Variants in CCDC148 observed in about 807,000 individuals in gnomAD.
CCDC148 encodes the protein coiled-coil domain containing 148, also known as coiled-coil domain-containing protein 148.
Under a neutral mutation model 85.7 loss-of-function variants are expected in CCDC148, and 89 were observed. The observed-to-expected ratio is 1.04, with a 90% CI of 0.87 to 1.24. The LOEUF (loss-of-function observed/expected upper bound fraction) is 1.24, where lower values mean the gene tolerates loss of function less well. CCDC148 is among the 50% of genes most tolerant of loss of function. The pLI is 0.00. For synonymous variants in CCDC148, 230 were observed against 213.9 expected (o/e 1.08, Z -0.66); for missense variants, 692 against 671.7 (o/e 1.03, Z -0.33).
chr2:158,310,963 G>A (rs74741886), intron 8 of CCDC148, among the ~76,000 whole-genome samples: 11 of 149,452 alleles, frequency 7.4e-5, no homozygotes, highest in African/African-American at 1.5e-4. Flanking sequence ...TGTGGCGGCC[G>A]GGAAGAGGCG....
chr2:158,200,349 TTCC>T (rs1245288826), intron 11 of CCDC148, among the ~76,000 whole-genome samples: 1 of 152,198 alleles, frequency 6.6e-6, no homozygotes, highest in Non-Finnish European at 1.5e-5. Flanking sequence ...TTTACTTTGG[TTCC>T]TCTTTCCCCT....
chr2:158,415,172 T>C, intron 1 of CCDC148, among the ~76,000 whole-genome samples: 1 of 151,352 alleles, frequency 6.6e-6, no homozygotes, highest in East Asian at 1.9e-4. Context: ...CTCATGGTTT[T>C]ACAGGCTGTA....
intron 9 of CCDC148, among the ~76,000 whole-genome samples, chr2:158,283,960 G>A (rs1260520302): frequency 1.3e-5 from 2 of 151,280 alleles, no homozygotes; most frequent in African/African-American, 4.9e-5. Flanking sequence ...AAAATGATGA[G>A]TTCATGTCCT....
intron 1 of CCDC148, among the ~76,000 whole-genome samples, chr2:158,444,857 G>T (rs1259296182): frequency 1.3e-5 from 2 of 150,268 alleles, no homozygotes; most frequent in African/African-American, 4.9e-5. Context: ...CTATCTATGG[G>T]ATTAGAAATT....
chr2:158,276,756 C>A (rs765781972), intron 9 of CCDC148, among the ~76,000 whole-genome samples: 2 of 152,148 alleles, frequency 1.3e-5, no homozygotes, highest in Non-Finnish European at 2.9e-5. Context: ...GCATTTGATA[C>A]GGTCCTTTAT....
chr2:158,350,779 T>C (rs1663088813), intron 2 of CCDC148, among the ~76,000 whole-genome samples: 1 of 152,204 alleles, frequency 6.6e-6, no homozygotes, highest in African/African-American at 2.4e-5. Flanking sequence ...TAATTGTGCA[T>C]ATTTATGGGC....
rs150244717 is a variant in CCDC148 at position 158,202,270 on chromosome 2, G to A, written c.1370+18325C>T. On this transcript the variant is annotated intron_variant, in intron 11 of 13. Coordinates refer to ENST00000283233, the MANE Select transcript of CCDC148 (RefSeq NM_138803.4). ...TAACGTATGTATCTTGAGGAAAGAA[G>A]CTTATAAGTTTGCTCTGTTTTAGCA... Among the ~76,000 whole-genome samples the A allele has an allele frequency of 2.0e-5, 3 of 152,254 alleles. No individual in the cohort carries two copies. The East Asian group carries it at 5.8e-4, about 29-fold the overall frequency.
chr2:158,325,088 GAA>G (rs58238350), intron 7 of CCDC148, among the ~76,000 whole-genome samples: 29 of 143,124 alleles, frequency 2.0e-4, no homozygotes, highest in African/African-American at 4.3e-4. Flanking sequence ...TCTCCTATTT[GAA>G]AAAAAAAAAA....
intron 1 of CCDC148, among the ~76,000 whole-genome samples, chr2:158,418,682 C>T (rs1295812353): frequency 1.3e-5 from 2 of 150,326 alleles, no homozygotes; most frequent in Non-Finnish European, 3.0e-5. Flanking sequence ...AGAACACTCT[C>T]TTATATCATC....
At position 158,282,369 on chromosome 2, in the gene CCDC148, C is replaced by T. The variant is rs1341192369; in HGVS notation, c.1110+27064G>A. On this transcript the variant is annotated intron_variant, in intron 9 of 13. Coordinates refer to ENST00000283233, the MANE Select transcript of CCDC148 (RefSeq NM_138803.4). Reference sequence around the variant, plus strand: ...GTTTGCAGATGACATGATTGTATATCTAGAAAATCCCATTGTCTCAGACCA... The same window carrying T: ...GTTTGCAGATGACATGATTGTATATTTAGAAAATCCCATTGTCTCAGACCA... Among the ~76,000 whole-genome samples the T allele has an allele frequency of 2.0e-5, 3 of 152,134 alleles. No individual in the cohort carries two copies. In the East Asian group the frequency reaches 5.8e-4, roughly 29 times the overall value.
intron 1 of CCDC148, among the ~76,000 whole-genome samples, chr2:158,419,009 T>C (rs1386585472): frequency 1.3e-5 from 2 of 152,262 alleles, no homozygotes; most frequent in Non-Finnish European, 2.9e-5. Flanking sequence ...CATGCTGTAT[T>C]TCATAATTAG....
chr2:158,329,605 T>C (rs1323119445), intron 7 of CCDC148, among the ~76,000 whole-genome samples: 2 of 152,082 alleles, frequency 1.3e-5, no homozygotes, highest in Non-Finnish European at 2.9e-5. Flanking sequence ...TTGGGCAGTA[T>C]GGCCATTTTC....
chr2:158,324,957 G>A lies in CCDC148; in HGVS notation c.765-11063C>T, dbSNP rs578195308. ...CATCTGTGCTTATTCCTCCACTTGTGTACTAAATCCCAACTCTCCTTACAA... is the reference window on the plus strand; with the variant it reads ...CATCTGTGCTTATTCCTCCACTTGTATACTAAATCCCAACTCTCCTTACAA... On this transcript the variant is annotated intron_variant, in intron 7 of 13. Transcript: ENST00000283233. Among the ~76,000 whole-genome samples the A allele has an allele frequency of 6.3e-4, 96 of 151,742 alleles. 1 individual carries two copies. The highest frequency in any genetic ancestry group is 3.4e-3 in the Middle Eastern group (1 of 294).
At chr2:158,353,174 A>T (rs1238817561) in intron 2 of CCDC148, among the ~76,000 whole-genome samples, 1 of 132,646 alleles carries the variant, frequency 7.5e-6, no homozygotes, top group Admixed American at 7.6e-5. Context: ...TCAACTAACG[A>T]GCAAAATCAC....
chr2:158,188,710 A>C (rs1296169073), intron 11 of CCDC148, among the ~76,000 whole-genome samples: 1 of 151,856 alleles, frequency 6.6e-6, no homozygotes, highest in Non-Finnish European at 1.5e-5. Flanking sequence ...AAGTCTTCTA[A>C]AAATGCAACA....
In CCDC148 at chr2:158,179,908, G is replaced by A. The variant is rs183790077; in HGVS notation, c.1371-912C>T. ...TATTTCCAACCCCCTTAAAATCATC[G>A]GCTATTAAAATATGGCCCACTTAAA... On this transcript the variant is annotated intron_variant, in intron 11 of 13. Transcript: ENST00000283233. 2.2e-3 allele frequency among the ~76,000 whole-genome samples: 341 copies of A among 152,110 alleles called. 2 individuals carry two copies. Among genetic ancestry groups the A allele is most frequent in the African/African-American group, 7.6e-3 (314 of 41,512 alleles).
chr2:158,379,526 C>T (rs1458741548), intron 1 of CCDC148, among the ~76,000 whole-genome samples: 3 of 152,118 alleles, frequency 2.0e-5, no homozygotes, highest in Non-Finnish European at 4.4e-5. Flanking sequence ...GCGTAAAATG[C>T]TATCAAAAGC....
intron 7 of CCDC148, among the ~76,000 whole-genome samples, chr2:158,334,599 G>A (rs966130377): frequency 1.8e-4 from 22 of 120,090 alleles, no homozygotes; most frequent in African/African-American, 5.3e-4. Flanking sequence ...TCACTGAGTC[G>A]AATAGAATGA....
At chr2:158,410,962 T>C (rs934036908) in intron 1 of CCDC148, among the ~76,000 whole-genome samples, 7 of 152,118 alleles carry the variant, frequency 4.6e-5, no homozygotes, top group African/African-American at 1.7e-4. Context: ...AAGGATAGTT[T>C]TGCAAGGTAT....
Sources: allele counts gnomAD v4.1 joint callset (sites outside exome capture counted in the v4.1 genomes callset), GRCh38; gene constraint gnomAD v4.1.1; transcripts MANE v1.5; gene names NCBI Gene and HGNC (gene_info 2026-07-23, HGNC 2026-07-21).